The following VAC14 variants were observed in gnomAD, a reference collection of about 807,000 sequenced individuals.
VAC14 encodes the protein VAC14 component of PIKFYVE complex, also known as protein VAC14 homolog.
Under a neutral mutation model 85.3 loss-of-function variants are expected in VAC14, and 47 were observed. The observed-to-expected ratio is 0.55, with a 90% CI of 0.44 to 0.70. The LOEUF (loss-of-function observed/expected upper bound fraction) is 0.70. Among genes scored for constraint, VAC14 ranks in the 30% least tolerant of loss-of-function variants. VAC14 has a pLI of 0.00. For missense variants in VAC14, 861 were observed against 1,004.3 expected (o/e 0.86, Z 1.93); for synonymous variants, 447 against 430.5 (o/e 1.04, Z -0.47).
intron 10 of VAC14, among the ~76,000 whole-genome samples, chr16:70,766,003 C>T (rs1432240974): frequency 2.0e-5 from 3 of 151,932 alleles, no homozygotes; most frequent in Non-Finnish European, 4.4e-5. Context: ...TGTGGTGGTA[C>T]ATTCCTATGG....
intron 1 of VAC14, 99 bp downstream of exon 1, chr16:70,800,698 C>T (rs2034754043): frequency 9.2e-7 from 1 of 1,087,188 alleles, no homozygotes; most frequent in African/African-American, 1.6e-5. Context: ...GGCCTAAAAC[C>T]TGGGAAAGTA....
chr16:70,738,559 G>C (rs955649944), intron 13 of VAC14, among the ~76,000 whole-genome samples: 12 of 152,118 alleles, frequency 7.9e-5, no homozygotes, highest in Admixed American at 5.9e-4. Context: ...GCGAGGAGAG[G>C]GTGTGGAGGA....
rs534883998 is a variant in VAC14 at position 70,688,205 on chromosome 16, C to T, written c.2187-115G>A. 124 of 1,341,342 alleles carry T rather than the reference C, an allele frequency of 9.2e-5. No individual in the cohort carries two copies. The South Asian group carries it at 2.4e-3, about 26-fold the overall frequency. 83.1% of individuals were successfully genotyped at this position (1,341,342 alleles called of 1,614,324 possible). A position where few individuals can be genotyped will look rare whatever the true frequency, so the allele number is the denominator to read the frequency against. On this transcript the variant is annotated intron_variant, in intron 18 of 18. Coordinates refer to ENST00000261776, the MANE Select transcript of VAC14 (RefSeq NM_018052.5). ...CAGGCTGGTGGGCTCGGCCTGTGGG[C>T]GTCTGTCTCAGGCCTGGCAACTCTT... is the stretch of plus-strand genomic sequence containing the variant.
At position 70,760,962 on chromosome 16, in the gene VAC14, G is replaced by GGGGTGTGT. The variant is rs1402592187; in HGVS notation, c.1371+1577_1371+1578insACACACCC. Among the ~76,000 whole-genome samples, 318 of 47,630 alleles carry GGGGTGTGT rather than the reference G, an allele frequency of 6.7e-3. 19 individuals are homozygous for GGGGTGTGT. The highest frequency in any genetic ancestry group is 0.02 in the African/African-American group (230 of 11,684). 31.2% of individuals were successfully genotyped at this position (47,630 alleles called of 152,430 possible). On this transcript the variant is annotated intron_variant, in intron 12 of 18. Transcript: ENST00000261776. ...TGCAGGGGGTGGTGCACGAAGAGAG[G>GGGGTGTGT]GTGTGTGTGTGTGTGTGTGTGTGTG...
intron 14 of VAC14, among the ~76,000 whole-genome samples, chr16:70,701,481 C>T (rs559452252): frequency 8.5e-4 from 129 of 152,240 alleles, no homozygotes; most frequent in Admixed American, 2.9e-3. Context: ...TCCACTGGCA[C>T]GTATGGGGGC....
In VAC14 at chr16:70,785,806, T is replaced by A. The variant is rs1198918704; in HGVS notation, c.319A>T (p.Ser107Cys). 1 of 1,601,462 alleles carries A rather than the reference T, an allele frequency of 6.2e-7. No homozygotes were observed. Among genetic ancestry groups the A allele is most frequent in the Non-Finnish European group, 8.5e-7 (1 of 1,173,012 alleles). The change falls in exon 3 of 19, where the codon AGC becomes TGC. Residue 107 changes from serine (S) to cysteine (C), a missense_variant. Transcript: ENST00000261776. The stretch of plus-strand genomic sequence containing the variant: ...TCGCAGGCATAGTAGCGCAGCCTGC[T>A]GTCTGCATCATTGAAGCAGGTCAGC... The part of the protein sequence containing the change: ...PVLTCFNDAD[S>C]RLRYYACEAL...
intron 13 of VAC14, 134 bp downstream of exon 13, chr16:70,744,289 A>G: frequency 7.7e-7 from 1 of 1,298,286 alleles, no homozygotes; most frequent in Non-Finnish European, 1.0e-6. Context: ...GCCAGTAGCA[A>G]CCCACAGACC....
chr16:70,703,567 A>G (rs2053868985), intron 14 of VAC14, among the ~76,000 whole-genome samples: 1 of 152,224 alleles, frequency 6.6e-6, no homozygotes, highest in Non-Finnish European at 1.5e-5. Flanking sequence ...CTTTTGGCCC[A>G]GCAGGGGCTG....
intron 14 of VAC14, among the ~76,000 whole-genome samples, chr16:70,724,937 G>T (rs1056935199): frequency 2.0e-5 from 3 of 152,226 alleles, no homozygotes; most frequent in African/African-American, 7.2e-5. Context: ...GGTGGATCGG[G>T]GCCTCTTCTA....
chr16:70,711,124 C>T lies in VAC14; in HGVS notation c.1662-12313G>A, dbSNP rs115387823. ...ACCCTCTAGAACAAAGAGGGTCCCT[C>T]AAGCCAGGAATACCCTAACTGAGGA... On this transcript the variant is annotated intron_variant, in intron 14 of 18. Transcript: ENST00000261776. 3.9e-3 allele frequency among the ~76,000 whole-genome samples: 594 copies of T among 152,326 alleles called. 2 individuals carry two copies. Among genetic ancestry groups the T allele is most frequent in the African/African-American group, 0.014 (565 of 41,582 alleles).
At chr16:70,751,387 C>T (rs572763243) in intron 12 of VAC14, among the ~76,000 whole-genome samples, 1 of 152,356 alleles carries the variant, frequency 6.6e-6, no homozygotes, top group South Asian at 2.1e-4. Context: ...AGGCCACTGC[C>T]AAAGGCTATC....
At chr16:70,735,702 G>C in intron 13 of VAC14, among the ~76,000 whole-genome samples, 1 of 152,234 alleles carries the variant, frequency 6.6e-6, no homozygotes, top group East Asian at 1.9e-4. Context: ...TAGACAGCTC[G>C]CGTGAGCGGC....
At chr16:70,791,878 T>A (rs2034355109) in intron 1 of VAC14, among the ~76,000 whole-genome samples, 1 of 152,184 alleles carries the variant, frequency 6.6e-6, no homozygotes, top group South Asian at 2.1e-4. Context: ...ATTGGTGACA[T>A]GGGAGTGCTT....
intron 14 of VAC14, among the ~76,000 whole-genome samples, chr16:70,701,401 G>A (rs996017668): frequency 1.3e-5 from 2 of 152,074 alleles, no homozygotes; most frequent in Non-Finnish European, 2.9e-5. Context: ...CTCAGTAAAC[G>A]GTGGCACTGT....
chr16:70,798,282 A>G (rs886344124), intron 1 of VAC14, among the ~76,000 whole-genome samples: 15 of 152,222 alleles, frequency 9.9e-5, no homozygotes, highest in Admixed American at 7.9e-4. Context: ...TTTAGGGAGC[A>G]CATGAACTGA....
rs559928358 is a variant in VAC14 at position 70,762,325 on chromosome 16, C to A, written c.1371+215G>T. The stretch of plus-strand genomic sequence containing the variant: ...GTTTCACCATGTTGGCCAGGCTAGT[C>A]TCGAACTCCTGGCCTCAAGTGATCC... On this transcript the variant is annotated intron_variant, in intron 12 of 18. Coordinates refer to ENST00000261776, the MANE Select transcript of VAC14 (RefSeq NM_018052.5). This position sits in a 1 kb window ranked among gnomAD's most constrained non-coding sequence, Gnocchi z 4.1. 6.6e-6 allele frequency among the ~76,000 whole-genome samples: 1 copy of A among 152,272 alleles called. No individual in the cohort carries two copies. The highest frequency in any genetic ancestry group is 2.4e-5 in the African/African-American group (1 of 41,552).
chr16:70,742,513 A>G (rs1457977344), intron 13 of VAC14, among the ~76,000 whole-genome samples: 1 of 152,362 alleles, frequency 6.6e-6, no homozygotes. Context: ...CGAGGGACAG[A>G]GGGTGGGAGT....
intron 10 of VAC14, among the ~76,000 whole-genome samples, chr16:70,767,758 T>G (rs907719592): frequency 7.2e-5 from 11 of 152,366 alleles, no homozygotes; most frequent in African/African-American, 2.6e-4. Flanking sequence ...TGGGTCTGTT[T>G]CCTCATTTGT....
chr16:70,735,306 A>G (rs1009915946), intron 13 of VAC14, among the ~76,000 whole-genome samples: 2 of 149,286 alleles, frequency 1.3e-5, no homozygotes, highest in African/African-American at 2.6e-5. Flanking sequence ...CACAAGCACA[A>G]GATAGGCAGG....
Sources: allele counts gnomAD v4.1 joint callset (sites outside exome capture counted in the v4.1 genomes callset), GRCh38; gene constraint gnomAD v4.1.1; non-coding constraint Gnocchi (gnomAD v3.1); transcripts MANE v1.5; gene names NCBI Gene and HGNC (gene_info 2026-07-23, HGNC 2026-07-21).